Variants in GABBR2 observed in about 807,000 individuals in gnomAD.
GABBR2 encodes G-protein coupled receptor 51.
In GABBR2, 23 loss-of-function variants were observed where a neutral mutation model predicts 105.6. That is an observed-to-expected ratio of 0.22 (90% CI 0.16 to 0.31). The LOEUF is 0.31. GABBR2 is among the 10% of genes least tolerant of loss of function. The probability of loss-of-function intolerance (pLI) is 1.00; values close to 1 mark genes in which losing one functional copy is unlikely to be tolerated. For missense variants in GABBR2, 734 were observed against 1,245.5 expected, an observed-to-expected ratio of 0.59 and a Z score of 6.18; for synonymous variants, 478 against 499.7, an observed-to-expected ratio of 0.96 and a Z score of 0.58.
At chr9:98,543,766 A>T (rs1262655438) in intron 2 of GABBR2, among the ~76,000 whole-genome samples, 1 of 152,088 alleles carries the variant, frequency 6.6e-6, no homozygotes, top group Admixed American at 6.6e-5. Context: ...TATAGAAATG[A>T]TCTTTTATAT....
chr9:98,560,696 C>T (rs1041071204), intron 2 of GABBR2, among the ~76,000 whole-genome samples: 2 of 149,934 alleles, frequency 1.3e-5, no homozygotes, highest in Admixed American at 1.3e-4. Flanking sequence ...CTTAGATTCA[C>T]CATTTTCCAC....
chr9:98,409,557 C>T (rs1832548517), intron 7 of GABBR2, among the ~76,000 whole-genome samples: 2 of 152,178 alleles, frequency 1.3e-5, no homozygotes, highest in African/African-American at 4.8e-5. Context: ...CCCAGACACC[C>T]CACCCAGGAT....
chr9:98,319,235 C>T (rs947006229), intron 13 of GABBR2, among the ~76,000 whole-genome samples: 4 of 152,182 alleles, frequency 2.6e-5, no homozygotes, highest in South Asian at 2.1e-4. Flanking sequence ...GCTGGAGAGA[C>T]GGGAAAGCCT....
intron 4 of GABBR2, among the ~76,000 whole-genome samples, chr9:98,495,538 C>A (rs1265349700): frequency 2.0e-5 from 3 of 152,168 alleles, no homozygotes; most frequent in Non-Finnish European, 4.4e-5. Flanking sequence ...ATTCAAGGCT[C>A]CTGGGAACTG....
intron 3 of GABBR2, among the ~76,000 whole-genome samples, chr9:98,522,111 C>CATT (rs1210765959): frequency 2.0e-5 from 3 of 150,610 alleles, no homozygotes; most frequent in Non-Finnish European, 4.4e-5. Flanking sequence ...TTTTAAGAAG[C>CATT]ATTAGAAGCA....
chr9:98,322,657 T>TCAGTCCATCATCTCTCCTCCTATGACA (rs1232562223), intron 13 of GABBR2, among the ~76,000 whole-genome samples: 2 of 146,836 alleles, frequency 1.4e-5, no homozygotes, highest in African/African-American at 5.1e-5. Context: ...CAGCCATGAG[T>TCAGTCCATCATCTCTCCTCCTATGACA]CAGTCCATCA....
At chr9:98,531,639 G>A (rs528972510) in intron 3 of GABBR2, among the ~76,000 whole-genome samples, 15 of 152,360 alleles carry the variant, frequency 9.8e-5, no homozygotes, top group African/African-American at 3.4e-4. Context: ...GGGTGGGTAG[G>A]ACAGAGCACT....
intron 1 of GABBR2, among the ~76,000 whole-genome samples, chr9:98,604,725 C>A (rs1375880681): frequency 6.6e-6 from 1 of 152,174 alleles, no homozygotes; most frequent in South Asian, 2.1e-4. Context: ...TTCTAGGTTA[C>A]AAAGATATGT....
chr9:98,627,984 A>G (rs1356677817), intron 1 of GABBR2, among the ~76,000 whole-genome samples: 2 of 152,246 alleles, frequency 1.3e-5, no homozygotes, highest in Non-Finnish European at 1.5e-5. Flanking sequence ...AAACAGTTTC[A>G]AGACTTCATG....
chr9:98,560,743 T>C (rs1402312803), intron 2 of GABBR2, among the ~76,000 whole-genome samples: 1 of 147,752 alleles, frequency 6.8e-6, no homozygotes, highest in East Asian at 2.0e-4. Context: ...ATATATAGTA[T>C]ATATTATATT....
chr9:98,465,484 C>T (rs983429943), intron 6 of GABBR2, among the ~76,000 whole-genome samples: 7 of 152,168 alleles, frequency 4.6e-5, no homozygotes, highest in Admixed American at 6.5e-5. Flanking sequence ...TGAGTGGGTT[C>T]TATTAAAGAA....
chr9:98,396,960 C>T (rs1003438964), intron 8 of GABBR2, among the ~76,000 whole-genome samples: 8 of 152,180 alleles, frequency 5.3e-5, no homozygotes, highest in African/African-American at 1.9e-4. Flanking sequence ...ATTTAATGCT[C>T]ATGGCAAACC....
intron 10 of GABBR2, among the ~76,000 whole-genome samples, chr9:98,387,801 T>C (rs1337258686): frequency 6.6e-6 from 1 of 151,478 alleles, no homozygotes; most frequent in African/African-American, 2.4e-5. Context: ...TTAAAATAAT[T>C]AATTAATTAA....
intron 1 of GABBR2, among the ~76,000 whole-genome samples, chr9:98,654,850 T>C (rs1830157741): frequency 6.6e-6 from 1 of 152,226 alleles, no homozygotes; most frequent in Non-Finnish European, 1.5e-5. Context: ...GCCACCAAGA[T>C]GTCCTTCAGT....
At chr9:98,578,282 G>A (rs1828949398) in intron 1 of GABBR2, among the ~76,000 whole-genome samples, 1 of 152,086 alleles carries the variant, frequency 6.6e-6, no homozygotes, top group Admixed American at 6.5e-5. Flanking sequence ...CTCCCGCTAA[G>A]TGCCCTCCAA....
chr9:98,414,829 T>C (rs1044350408), intron 7 of GABBR2, among the ~76,000 whole-genome samples: 1 of 152,088 alleles, frequency 6.6e-6, no homozygotes, highest in Non-Finnish European at 1.5e-5. Flanking sequence ...GCTTCCCCGT[T>C]TTCCCCCCTG....
At chr9:98,578,185 C>G in intron 1 of GABBR2, 113 bp from the exon 2 acceptor site, 1 of 1,218,230 alleles carries the variant, frequency 8.2e-7, no homozygotes. Context: ...TTCAGTTCTC[C>G]CATGGTGGGG....
intron 1 of GABBR2, among the ~76,000 whole-genome samples, chr9:98,665,276 A>ATCTCTC (rs55873825): frequency 1.3e-5 from 2 of 149,326 alleles, no homozygotes; most frequent in African/African-American, 4.9e-5. Flanking sequence ...CTCTCTCTCA[A>ATCTCTC]TCTCTCTCTC....
At chr9:98,364,077 G>A (rs1456774174) in intron 12 of GABBR2, among the ~76,000 whole-genome samples, 1 of 152,086 alleles carries the variant, frequency 6.6e-6, no homozygotes, top group East Asian at 1.9e-4. Context: ...AAAAGAACAC[G>A]AGGAAAGTGT....
Sources: gnomAD v4.1 joint callset for allele counts (sites outside exome capture counted in the v4.1 genomes callset) on GRCh38, gnomAD v4.1.1 for gene constraint, MANE v1.5 for transcripts, NCBI Gene and HGNC (gene_info 2026-07-23, HGNC 2026-07-21) for gene names.